GCSAML: variants seen among roughly 807,000 people sequenced by gnomAD.
The protein encoded by GCSAML is germinal center-associated signaling and motility-like protein.
Under a neutral mutation model 13.0 loss-of-function variants are expected in GCSAML, and 9 were observed. That is an observed-to-expected ratio of 0.69 (90% CI 0.42 to 1.21). GCSAML has a LOEUF of 1.21. GCSAML is among the 50% of genes most tolerant of loss of function. The pLI is 0.00. For synonymous variants in GCSAML, 37 were observed against 52.9 expected, an observed-to-expected ratio of 0.70 and a Z score of 1.31; for missense variants, 143 against 153.4, an observed-to-expected ratio of 0.93 and a Z score of 0.36.
Position 247,527,184 on chromosome 1 carries a change from G to C in GCSAML, c.-148+130G>C. ...CTGAGCATTTAAGGCAGTTGGAGGA[G>C]AGTGTGAGTTATGGTCATCATTCTC... On this transcript the variant is annotated intron_variant, in intron 2 of 5. Coordinates refer to the GCSAML transcript ENST00000366489. This position sits in a 1 kb window ranked among gnomAD's most constrained non-coding sequence, Gnocchi z 4.6. 2.4e-6 allele frequency: 1 copy of C among 412,742 alleles called. No homozygotes were observed. The highest frequency in any genetic ancestry group is 4.8e-6 in the Non-Finnish European group (1 of 206,366). 25.6% of individuals were successfully genotyped at this position (412,742 alleles called of 1,614,324 possible). A position where few individuals can be genotyped will look rare whatever the true frequency, so the allele number is the denominator to read the frequency against.
At position 247,577,680 on chromosome 1, in the gene GCSAML, A is replaced by G. The variant is rs1217438853; in HGVS notation, c.*3298A>G. 1 of 152,192 alleles carries G rather than the reference A, an allele frequency of 6.6e-6. No individual in the cohort carries two copies. Among genetic ancestry groups the G allele is most frequent in the Non-Finnish European group, 1.5e-5 (1 of 68,022 alleles). 9.4% of individuals were successfully genotyped at this position (152,192 alleles called of 1,614,324 possible). A position where few individuals can be genotyped will look rare whatever the true frequency, so the allele number is the denominator to read the frequency against. On this transcript the variant is annotated 3_prime_UTR_variant, in exon 5 of 5. Transcript: ENST00000366488. ...GTGGCTATAAATGAATAAAGCGACT[A>G]CAAATTTGAATATCTAGGTGTGTTA...
At chr1:247,546,499 C>T (rs12117566), upstream of GCSAML, among the ~76,000 whole-genome samples, 36,769 of 151,790 alleles carry the variant, frequency 0.24, 4,628 homozygotes, top group Middle Eastern at 0.33. Context: ...GCTGGGACTA[C>T]AGGTGCCCGC....
chr1:247,549,108 T>C (rs1179923155), upstream of GCSAML: 10 of 1,613,586 alleles, frequency 6.2e-6, no homozygotes, highest in Non-Finnish European at 7.6e-6. Context: ...TCCTGCCTCA[T>C]GCATTTTCCT....
intron 1 of GCSAML, among the ~76,000 whole-genome samples, chr1:247,553,404 T>C (rs1667846686): frequency 6.6e-6 from 1 of 152,200 alleles, no homozygotes; most frequent in South Asian, 2.1e-4. Context: ...CTTACAAGTC[T>C]TATAGGTACC....
intron 4 of GCSAML, among the ~76,000 whole-genome samples, chr1:247,566,816 ATGCAAT>A (rs1558260478): frequency 6.6e-6 from 1 of 152,026 alleles, no homozygotes; most frequent in East Asian, 1.9e-4. Flanking sequence ...TTCACTGTCT[ATGCAAT>A]TGAAAATGTG....
chr1:247,513,212 G>C (rs113367454), intron 1 of GCSAML, among the ~76,000 whole-genome samples: 281 of 152,342 alleles, frequency 1.8e-3, no homozygotes, highest in Non-Finnish European at 2.7e-3. Context: ...CCTGCCCAGA[G>C]AGGAGCAATC....
intron 1 of GCSAML, among the ~76,000 whole-genome samples, chr1:247,552,739 T>C (rs993960890): frequency 1.3e-5 from 2 of 152,206 alleles, no homozygotes; most frequent in African/African-American, 4.8e-5. Flanking sequence ...AATTCTTCTA[T>C]GTTTATGCAG....
intron 1 of GCSAML, among the ~76,000 whole-genome samples, chr1:247,516,190 T>G (rs1666204723): frequency 6.6e-6 from 1 of 152,238 alleles, no homozygotes; most frequent in Admixed American, 6.5e-5. Context: ...TTCCTTCTTG[T>G]GTGTTTCTGA....
upstream of GCSAML, chr1:247,549,037 A>G (rs1330690128): frequency 1.3e-6 from 2 of 1,573,060 alleles, no homozygotes; most frequent in Non-Finnish European, 1.7e-6. Context: ...CTTCTCTATC[A>G]TGCGCAGGCC....
intron 2 of GCSAML, among the ~76,000 whole-genome samples, chr1:247,539,606 G>C (rs1572332340): frequency 6.6e-6 from 1 of 152,200 alleles, no homozygotes; most frequent in East Asian, 1.9e-4. Context: ...CTAAAAGCAA[G>C]CGACTAAAGC....
chr1:247,515,443 A>G (rs1334033893), intron 1 of GCSAML, among the ~76,000 whole-genome samples: 1 of 152,264 alleles, frequency 6.6e-6, no homozygotes, highest in Non-Finnish European at 1.5e-5. Context: ...TTAATATATA[A>G]TAACTCTGTA....
intron 2 of GCSAML, chr1:247,532,420 A>G (rs1230068121): frequency 1.9e-6 from 3 of 1,614,094 alleles, no homozygotes; most frequent in Non-Finnish European, 1.7e-6. Flanking sequence ...ACTCAAGACA[A>G]CTATGAAGAG....
At chr1:247,558,201 A>G (rs887482307) in intron 2 of GCSAML, among the ~76,000 whole-genome samples, 4 of 152,238 alleles carry the variant, frequency 2.6e-5, no homozygotes, top group Non-Finnish European at 5.9e-5. Flanking sequence ...TTGCAGTCAA[A>G]TATGTGTTGC....
At chr1:247,539,758 A>G (rs1243745254) in intron 2 of GCSAML, among the ~76,000 whole-genome samples, 1 of 152,202 alleles carries the variant, frequency 6.6e-6, no homozygotes, top group African/African-American at 2.4e-5. Flanking sequence ...TATCCAGATT[A>G]CAATCATTTT....
upstream of GCSAML, among the ~76,000 whole-genome samples, chr1:247,545,187 T>A (rs544195499): frequency 1.3e-3 from 201 of 152,350 alleles, no homozygotes; most frequent in African/African-American, 4.6e-3. Context: ...TCCAATATTA[T>A]CTGCAAATGA....
intron 2 of GCSAML, among the ~76,000 whole-genome samples, chr1:247,562,323 C>T (rs755774957): frequency 5.7e-4 from 86 of 152,134 alleles, no homozygotes; most frequent in Non-Finnish European, 1.1e-3. Flanking sequence ...GAGTTCAGTC[C>T]TCAGCGCGCC....
chr1:247,569,745 A>G (rs958255555), intron 4 of GCSAML, among the ~76,000 whole-genome samples: 1 of 152,080 alleles, frequency 6.6e-6, no homozygotes, highest in Non-Finnish European at 1.5e-5. Flanking sequence ...AGGAGTCCCT[A>G]TTCTTCTATT....
chr1:247,508,449 A>G (rs1199531486), intron 1 of GCSAML, among the ~76,000 whole-genome samples: 1 of 152,162 alleles, frequency 6.6e-6, no homozygotes, highest in Non-Finnish European at 1.5e-5. Flanking sequence ...ATTTTCTGCC[A>G]TTCTGTAGGT....
chr1:247,520,526 T>TCA (rs10597982), intron 1 of GCSAML, among the ~76,000 whole-genome samples: 61,399 of 150,250 alleles, frequency 0.41, 12,883 homozygotes, highest in Middle Eastern at 0.49. Flanking sequence ...CCCCACCTCT[T>TCA]CACACACACA....
Sources: allele counts gnomAD v4.1 joint callset (sites outside exome capture counted in the v4.1 genomes callset), GRCh38; gene constraint gnomAD v4.1.1; non-coding constraint Gnocchi (gnomAD v3.1); transcripts MANE v1.5; gene names NCBI Gene and HGNC (gene_info 2026-07-23, HGNC 2026-07-21).